Variants in ABCC1 observed in about 807,000 individuals in gnomAD.
ABCC1 encodes ATP binding cassette subfamily C member 1 (ABCC1 blood group).
A neutral mutation model predicts 172.9 loss-of-function variants in ABCC1; 83 were observed. The observed-to-expected ratio is 0.48, with a 90% confidence interval of 0.40 to 0.58. The LOEUF (loss-of-function observed/expected upper bound fraction) is 0.58, where lower values mean the gene tolerates loss of function less well. Ranked by LOEUF, ABCC1 falls within the 20% of genes least tolerant of loss-of-function variation. ABCC1 has a pLI of 0.00. For missense variants in ABCC1, 1,817 were observed against 2,002.7 expected (o/e 0.91, Z 1.77); for synonymous variants, 937 against 825.2 (o/e 1.14, Z -2.32).
At chr16:16,071,927 C>G (rs1259137710) in intron 14 of ABCC1, among the ~76,000 whole-genome samples, 198 bp downstream of exon 14, 2 of 152,218 alleles carry the variant, frequency 1.3e-5, no homozygotes, top group African/African-American at 4.8e-5. Context: ...GGCTTCTGTC[C>G]TGTCTCACAC....
intron 14 of ABCC1, among the ~76,000 whole-genome samples, chr16:16,075,280 G>A (rs2050512415): frequency 6.6e-6 from 1 of 151,892 alleles, no homozygotes; most frequent in African/African-American, 2.4e-5. Context: ...GAAGTAAAAG[G>A]AAAATAACAG....
intron 27 of ABCC1, among the ~76,000 whole-genome samples, chr16:16,133,358 TG>T (rs2045779387): frequency 6.7e-6 from 1 of 150,308 alleles, no homozygotes; most frequent in African/African-American, 2.5e-5. Flanking sequence ...GAGTGGGTGA[TG>T]TTCTTGCTGT....
intron 10 of ABCC1, among the ~76,000 whole-genome samples, chr16:16,049,026 G>A (rs940655006): frequency 6.6e-6 from 1 of 151,914 alleles, no homozygotes; most frequent in Non-Finnish European, 1.5e-5. Flanking sequence ...AGGGAACTTT[G>A]GGGCTGCATG....
Position 16,044,497 on chromosome 16 carries a change from AAG to A in ABCC1, c.862_863del (p.Ser288PhefsTer7), listed in dbSNP as rs2049117859. ...TCCTCCAAGGATCCTGCCCAGCCGA[AAG>A]AGAGTTCCAAGGTGGATGCGAATGA... On this transcript the variant is annotated frameshift_variant, in exon 8 of 31. Transcript: ENST00000399410. LOFTEE classifies it high-confidence loss of function. 1.2e-6 allele frequency: 2 copies of A among 1,614,076 alleles called. No individual in the cohort carries two copies. The highest frequency in any genetic ancestry group is 1.3e-5 in the African/African-American group (1 of 74,932).
intron 24 of ABCC1, among the ~76,000 whole-genome samples, chr16:16,123,204 G>T (rs2045243262): frequency 6.6e-6 from 1 of 152,120 alleles, no homozygotes; most frequent in African/African-American, 2.4e-5. Context: ...TGTCGGAGTA[G>T]TGAGGATCAG....
intron 18 of ABCC1, among the ~76,000 whole-genome samples, chr16:16,088,124 C>T (rs994321609): frequency 4.7e-5 from 6 of 126,722 alleles, no homozygotes; most frequent in African/African-American, 1.3e-4. Flanking sequence ...TGTGTGTATG[C>T]GTGTGTGTGT....
chr16:16,130,846 G>T (rs2045646985), intron 26 of ABCC1, among the ~76,000 whole-genome samples: 1 of 152,194 alleles, frequency 6.6e-6, no homozygotes, highest in Admixed American at 6.5e-5. Context: ...GTCTGTGGCG[G>T]GCATGGTGGC....
At chr16:16,003,721 G>A (rs1455500454) in intron 1 of ABCC1, among the ~76,000 whole-genome samples, 1 of 113,800 alleles carries the variant, frequency 8.8e-6, no homozygotes, top group East Asian at 2.6e-4. Flanking sequence ...GGGTGGATGG[G>A]TGAATTGGTG....
intron 5 of ABCC1, among the ~76,000 whole-genome samples, chr16:16,021,881 CCTT>C (rs2048208874): frequency 6.6e-6 from 1 of 152,156 alleles, no homozygotes; most frequent in Non-Finnish European, 1.5e-5. Context: ...GTCAGCAGCC[CCTT>C]CTTGAAAACG....
chr16:16,056,689 C>T (rs891935128), intron 12 of ABCC1: 11 of 218,232 alleles, frequency 5.0e-5, no homozygotes, highest in Non-Finnish European at 1.0e-4. Context: ...AAAAAAGTCA[C>T]TATGTCAGCA....
At chr16:16,133,885 G>C (rs1294162092) in intron 27 of ABCC1, among the ~76,000 whole-genome samples, 1 of 152,178 alleles carries the variant, frequency 6.6e-6, no homozygotes, top group Non-Finnish European at 1.5e-5. Context: ...TCCTTCAAGA[G>C]AGGATGCATG....
At position 16,090,598 on chromosome 16, in the gene ABCC1, GC is replaced by G. The variant is rs778927400; in HGVS notation, c.2644+14del. ...GATGCAGAGGAGAACGGTAGGGGCA[GC>G]CCCAGGGTTCCACCCACTCAGGGTG... On this transcript the variant is annotated intron_variant, in intron 19 of 30. Coordinates refer to ENST00000399410, the MANE Select transcript of ABCC1 (RefSeq NM_004996.4). 3.8e-6 allele frequency: 6 copies of G among 1,567,318 alleles called. No individual in the cohort carries two copies. Among genetic ancestry groups the G allele is most frequent in the African/African-American group, 1.4e-5 (1 of 73,682 alleles).
intron 1 of ABCC1, among the ~76,000 whole-genome samples, chr16:15,998,693 A>G (rs1264167742): frequency 6.6e-6 from 1 of 152,042 alleles, no homozygotes; most frequent in Non-Finnish European, 1.5e-5. Flanking sequence ...TGCAGGGGAA[A>G]CACCTTCCTT....
chr16:16,107,012 A>C (rs1039615225), intron 21 of ABCC1, 139 bp downstream of exon 21: 18 of 1,279,874 alleles, frequency 1.4e-5, no homozygotes, highest in Admixed American at 4.5e-5. Context: ...TATTTGCAGC[A>C]CCAGAAACTG....
chr16:15,991,638 C>T (rs2046872838), intron 1 of ABCC1, among the ~76,000 whole-genome samples: 1 of 152,172 alleles, frequency 6.6e-6, no homozygotes, highest in African/African-American at 2.4e-5. Context: ...CCTGTACTCA[C>T]TGTGCCTGTC....
intron 5 of ABCC1, among the ~76,000 whole-genome samples, chr16:16,027,115 C>T (rs755770794): frequency 6.6e-6 from 1 of 152,018 alleles, no homozygotes; most frequent in Non-Finnish European, 1.5e-5. Flanking sequence ...GTGTTGATGC[C>T]AAGGCTGAAG....
chr16:16,132,134 T>G (rs2045702288), intron 27 of ABCC1, among the ~76,000 whole-genome samples, 199 bp downstream of exon 27: 1 of 152,156 alleles, frequency 6.6e-6, no homozygotes, highest in Non-Finnish European at 1.5e-5. Flanking sequence ...GTGAAGGCTT[T>G]TAGGTGAACT....
chr16:15,995,905 G>A (rs1397592529), intron 1 of ABCC1, among the ~76,000 whole-genome samples: 2 of 151,328 alleles, frequency 1.3e-5, no homozygotes, highest in Non-Finnish European at 2.9e-5. Context: ...GAACTCCTGG[G>A]CTCAAGTGAT....
At chr16:16,047,480 A>G (rs1465631401) in intron 9 of ABCC1, among the ~76,000 whole-genome samples, 1 of 152,046 alleles carries the variant, frequency 6.6e-6, no homozygotes. Flanking sequence ...TTTAAAACTC[A>G]CGAGGTGATA....
Sources: allele counts gnomAD v4.1 joint callset (sites outside exome capture counted in the v4.1 genomes callset), GRCh38; gene constraint gnomAD v4.1.1; transcripts MANE v1.5; gene names NCBI Gene and HGNC (gene_info 2026-07-23, HGNC 2026-07-21).